The following MREG variants were observed in gnomAD, a reference collection of about 807,000 sequenced individuals.
The protein encoded by MREG is melanoregulin.
Under a neutral mutation model 28.5 loss-of-function variants are expected in MREG, and 31 were observed. The observed-to-expected ratio is 1.09, with a 90% CI of 0.82 to 1.47. The LOEUF is 1.47. MREG is among the 40% of genes most tolerant of loss of function. The pLI is 0.00. For missense variants in MREG, 256 were observed against 257.4 expected (o/e 0.99, Z 0.04); for synonymous variants, 106 against 95.2 (o/e 1.11, Z -0.66).
intron 1 of MREG, among the ~76,000 whole-genome samples, chr2:216,002,988 G>T (rs11684818): frequency 6.8e-6 from 1 of 146,562 alleles, no homozygotes; most frequent in African/African-American, 2.5e-5. Flanking sequence ...CTCTCTTTCT[G>T]TCTCTCCTTC....
intron 1 of MREG, among the ~76,000 whole-genome samples, chr2:216,001,952 G>A (rs1211793882): frequency 6.6e-6 from 1 of 152,186 alleles, no homozygotes. Context: ...TTAGTGCAAA[G>A]GCCTGGGGGT....
rs995407562 is a variant in MREG, at chr2:215,942,720, C to A, written c.*2143G>T. The stretch of plus-strand genomic sequence containing the variant: ...ACTGTGGTAACAATTTATAGATGCA[C>A]ACAATCTCATCTATTTTGACATAAA... On this transcript the variant is annotated 3_prime_UTR_variant, in exon 5 of 5. Coordinates refer to ENST00000263268, the MANE Select transcript of MREG (RefSeq NM_018000.3). 1 of 152,546 alleles carries A rather than the reference C, an allele frequency of 6.6e-6. No homozygotes were observed. Among genetic ancestry groups the A allele is most frequent in the African/African-American group, 2.4e-5 (1 of 41,406 alleles). 9.4% of individuals were successfully genotyped at this position (152,546 alleles called of 1,614,324 possible). A position where few individuals can be genotyped will look rare whatever the true frequency, so the allele number is the denominator to read the frequency against.
intron 1 of MREG, among the ~76,000 whole-genome samples, chr2:216,003,887 C>A (rs1206320170): frequency 6.6e-6 from 1 of 152,236 alleles, no homozygotes; most frequent in African/African-American, 2.4e-5. Context: ...ACTGTTGTCT[C>A]TTTTACCCAG....
rs1209466321 is a variant in MREG, at chr2:215,954,776, T to A, written c.256-7663A>T. On this transcript the variant is annotated intron_variant, in intron 2 of 4. Coordinates refer to ENST00000263268, the MANE Select transcript of MREG (RefSeq NM_018000.3). ...TGGGGTGCAATGGCACGATCTCTGC[T>A]CACTGCAACCTCCGCCTCCCGGGTT... Among the ~76,000 whole-genome samples the A allele has an allele frequency of 2.0e-5, 3 of 152,122 alleles. No individual in the cohort carries two copies. In the East Asian group the frequency reaches 5.8e-4, roughly 29 times the overall value.
chr2:215,989,092 T>A (rs564382584), intron 2 of MREG, among the ~76,000 whole-genome samples: 1 of 152,276 alleles, frequency 6.6e-6, no homozygotes, highest in South Asian at 2.1e-4. Context: ...CTATGCCTCC[T>A]GACCAGGAGA....
At chr2:215,960,691 A>G (rs1692758415) in intron 2 of MREG, among the ~76,000 whole-genome samples, 1 of 151,864 alleles carries the variant, frequency 6.6e-6, no homozygotes, top group Non-Finnish European at 1.5e-5. Flanking sequence ...AAAATTAGCC[A>G]GGCATGGTGG....
intron 2 of MREG, among the ~76,000 whole-genome samples, chr2:215,948,087 A>G (rs912635653): frequency 6.6e-6 from 1 of 152,204 alleles, no homozygotes; most frequent in Admixed American, 6.5e-5. Flanking sequence ...CTCAAGTTAT[A>G]TGATATTTTG....
At chr2:216,020,832 T>C (rs530037307) in intron 1 of MREG, among the ~76,000 whole-genome samples, 1 of 152,244 alleles carries the variant, frequency 6.6e-6, no homozygotes, top group African/African-American at 2.4e-5. Flanking sequence ...CAAAACACAC[T>C]ACAGGAGCTC....
chr2:215,939,910 A>G (rs1327907523), downstream of MREG, among the ~76,000 whole-genome samples: 1 of 151,800 alleles, frequency 6.6e-6, no homozygotes, highest in Admixed American at 6.6e-5. Flanking sequence ...AAAACTACAG[A>G]TGTTTTTTTA....
chr2:215,949,081 C>CTAATAATAATAATAA (rs1491250872), intron 2 of MREG, among the ~76,000 whole-genome samples: 3 of 96,418 alleles, frequency 3.1e-5, no homozygotes, highest in African/African-American at 1.1e-4. Flanking sequence ...ACTACTACTA[C>CTAATAATAATAATAA]TACTACTAAT....
intron 1 of MREG, among the ~76,000 whole-genome samples, chr2:216,031,679 GAAAGAAAGAA>G (rs1230445657): frequency 1.6e-3 from 84 of 51,090 alleles, no homozygotes; most frequent in South Asian, 0.014. Flanking sequence ...AAGAAAGAAA[GAAAGAAAGAA>G]AGAGAAAGAA....
chr2:215,970,057 T>G (rs1211455589), intron 2 of MREG, among the ~76,000 whole-genome samples: 1 of 152,194 alleles, frequency 6.6e-6, no homozygotes, highest in East Asian at 1.9e-4. Flanking sequence ...CCCGCAAAAT[T>G]GGTATGTTGA....
At chr2:215,962,967 C>T (rs922938153) in intron 2 of MREG, among the ~76,000 whole-genome samples, 3 of 152,066 alleles carry the variant, frequency 2.0e-5, no homozygotes, top group African/African-American at 7.2e-5. Flanking sequence ...AAAACTTTGT[C>T]CCTACAAAAT....
intron 2 of MREG, among the ~76,000 whole-genome samples, chr2:215,979,681 T>G (rs1034001957): frequency 2.0e-5 from 3 of 151,788 alleles, no homozygotes; most frequent in Non-Finnish European, 2.9e-5. Flanking sequence ...TCACTCTTTT[T>G]TAAAATAAAT....
At chr2:215,990,267 C>T (rs1273812659) in intron 2 of MREG, among the ~76,000 whole-genome samples, 1 of 152,176 alleles carries the variant, frequency 6.6e-6, no homozygotes, top group Non-Finnish European at 1.5e-5. Flanking sequence ...AAAGAATTTT[C>T]AACCCAGAAT....
intron 2 of MREG, among the ~76,000 whole-genome samples, chr2:215,957,800 G>A (rs548287911): frequency 1.3e-5 from 2 of 152,186 alleles, no homozygotes; most frequent in African/African-American, 2.4e-5. Context: ...CTTCCCCCAT[G>A]CTTGTGAGAT....
chr2:215,994,328 C>T (rs1444626832), intron 2 of MREG, among the ~76,000 whole-genome samples: 1 of 151,634 alleles, frequency 6.6e-6, no homozygotes, highest in Non-Finnish European at 1.5e-5. Flanking sequence ...AACCAAACAC[C>T]ACATGTTCTC....
At position 216,013,232 on chromosome 2, in the gene MREG, C is replaced by G; in HGVS notation, c.95+1G>C. The G allele has an allele frequency of 6.5e-7, 1 of 1,548,986 alleles. No individual in the cohort carries two copies. The highest frequency in any genetic ancestry group is 8.7e-7 in the Non-Finnish European group (1 of 1,146,594). ...GATCCCGGCCCGGGCGGCGCACCCA[C>G]CTGACGAGGGGCTCCTTCTCAGGCA... On this transcript the variant is annotated splice_donor_variant, in intron 1 of 4. Coordinates refer to ENST00000263268, the MANE Select transcript of MREG (RefSeq NM_018000.3). LOFTEE classifies it high-confidence loss of function.
chr2:215,953,512 T>C (rs1262274666), intron 2 of MREG, among the ~76,000 whole-genome samples: 2 of 152,228 alleles, frequency 1.3e-5, no homozygotes, highest in Non-Finnish European at 2.9e-5. Flanking sequence ...GTGAAATCCA[T>C]GAAGCTTCTG....
Sources: allele counts gnomAD v4.1 joint callset (sites outside exome capture counted in the v4.1 genomes callset), GRCh38; gene constraint gnomAD v4.1.1; transcripts MANE v1.5; gene names NCBI Gene and HGNC (gene_info 2026-07-23, HGNC 2026-07-21).